OPHN1: variants seen among roughly 807,000 people sequenced by gnomAD.
OPHN1 encodes the protein oligophrenin-1.
Under a neutral mutation model 60.7 loss-of-function variants are expected in OPHN1, and 11 were observed. The observed-to-expected ratio is 0.18, with a 90% CI of 0.11 to 0.30. The LOEUF (loss-of-function observed/expected upper bound fraction) is 0.30. Among genes scored for constraint, OPHN1 ranks in the 10% least tolerant of loss-of-function variants. OPHN1 has a pLI of 1.00. For missense variants in OPHN1, 449 were observed against 611.0 expected (o/e 0.73, Z 2.80); for synonymous variants, 226 against 222.6 (o/e 1.02, Z -0.14).
rs1247662162 is a variant in OPHN1 at position 68,043,489 on chromosome X, C to G, written c.*3683G>C. The G allele has an allele frequency of 9.0e-6, 1 of 110,761 alleles. No homozygotes were observed. Among genetic ancestry groups the G allele is most frequent in the African/African-American group, 3.3e-5 (1 of 30,355 alleles). The allele number at this position is 110,761 out of a possible 1,213,427, so 9.1% of individuals were successfully genotyped here. On this transcript the variant is annotated 3_prime_UTR_variant, in exon 25 of 25. Transcript: ENST00000355520. ...GTCAAGGCCACTTATCTGCAGCTACCTTAGAAGTAGTATAATTGATCTATG... is the reference window on the plus strand; with the variant it reads ...GTCAAGGCCACTTATCTGCAGCTACGTTAGAAGTAGTATAATTGATCTATG...
chrX:68,304,823 G>A (rs1035116106), intron 2 of OPHN1, among the ~76,000 whole-genome samples: 1 of 111,146 alleles, frequency 9.0e-6, no homozygotes, highest in African/African-American at 3.3e-5. Flanking sequence ...GCAGAATGTG[G>A]TTGAAGTTTC....
At chrX:68,058,104 T>G (rs1472826406) in intron 21 of OPHN1, among the ~76,000 whole-genome samples, 3 of 111,822 alleles carry the variant, frequency 2.7e-5, no homozygotes, top group African/African-American at 9.8e-5. Context: ...CCCAGCTGAC[T>G]TTTATAGGCT....
At chrX:68,362,650 G>C (rs2078478953) in intron 2 of OPHN1, among the ~76,000 whole-genome samples, 1 of 110,960 alleles carries the variant, frequency 9.0e-6, no homozygotes, top group Non-Finnish European at 1.9e-5. Context: ...GGGATAACTA[G>C]GTGAGGCACG....
intron 15 of OPHN1, among the ~76,000 whole-genome samples, chrX:68,189,434 C>G (rs1486053129): frequency 9.1e-6 from 1 of 110,292 alleles, no homozygotes; most frequent in Non-Finnish European, 1.9e-5. Context: ...TATACATGTG[C>G]CATCTTGGTG....
At chrX:68,275,295 C>T (rs1349061956) in intron 4 of OPHN1, among the ~76,000 whole-genome samples, 2 of 111,768 alleles carry the variant, frequency 1.8e-5, no homozygotes, top group Non-Finnish European at 3.8e-5. Context: ...ATTACAGCAT[C>T]GCAGAAAACA....
At chrX:68,108,301 C>T (rs964349894) in intron 18 of OPHN1, among the ~76,000 whole-genome samples, 16 of 111,608 alleles carry the variant, frequency 1.4e-4, no homozygotes, top group African/African-American at 4.9e-4. Context: ...TCTAAGCACC[C>T]CTGATTCCTT....
At chrX:68,246,355 G>A (rs2077805871) in intron 5 of OPHN1, among the ~76,000 whole-genome samples, 1 of 111,925 alleles carries the variant, frequency 8.9e-6, no homozygotes, top group African/African-American at 3.2e-5. Context: ...TAAGTGTGTT[G>A]CTATATGGAG....
At chrX:68,368,769 T>C (rs1341908429) in intron 2 of OPHN1, among the ~76,000 whole-genome samples, 1 of 112,058 alleles carries the variant, frequency 8.9e-6, no homozygotes, top group Non-Finnish European at 1.9e-5. Context: ...TTTTAGCTCC[T>C]TGTATTTCAG....
intron 6 of OPHN1, among the ~76,000 whole-genome samples, chrX:68,221,944 A>C (rs1410322523): frequency 4.8e-5 from 5 of 104,693 alleles, no homozygotes; most frequent in East Asian, 3.0e-4. Context: ...TAATTAAACT[A>C]AAGAGCTTCT....
chrX:68,164,609 G>T (rs1054545981), intron 15 of OPHN1, among the ~76,000 whole-genome samples: 1 of 112,001 alleles, frequency 8.9e-6, no homozygotes, highest in Admixed American at 9.5e-5. Flanking sequence ...TAGAGCACAG[G>T]CAGAGTGGCT....
intron 2 of OPHN1, among the ~76,000 whole-genome samples, chrX:68,371,429 C>T (rs1022241130): frequency 9.1e-6 from 1 of 110,051 alleles, no homozygotes; most frequent in Non-Finnish European, 1.9e-5. Context: ...ATGCTGCCCA[C>T]GCTGGTCTTG....
At chrX:68,303,801 A>G (rs2078132482) in intron 2 of OPHN1, among the ~76,000 whole-genome samples, 1 of 111,304 alleles carries the variant, frequency 9.0e-6, no homozygotes, top group Non-Finnish European at 1.9e-5. Context: ...AGAAAGATAA[A>G]TACCACATGC....
intron 15 of OPHN1, among the ~76,000 whole-genome samples, chrX:68,138,798 C>T (rs982232558): frequency 2.7e-5 from 3 of 112,051 alleles, no homozygotes; most frequent in Non-Finnish European, 3.8e-5. Flanking sequence ...TTTGATAGGA[C>T]TTGCCCAAGG....
chrX:68,173,646 G>A (rs1365688202), intron 15 of OPHN1, among the ~76,000 whole-genome samples: 1 of 109,805 alleles, frequency 9.1e-6, no homozygotes, highest in Non-Finnish European at 1.9e-5. Flanking sequence ...TCCAGAGACA[G>A]ACTGCAAGAC....
At chrX:68,163,254 T>C (rs2077342714) in intron 15 of OPHN1, among the ~76,000 whole-genome samples, 2 of 110,580 alleles carry the variant, frequency 1.8e-5, no homozygotes, top group Non-Finnish European at 3.8e-5. Context: ...GGATCTTCTA[T>C]TGTACTAATT....
chrX:68,096,034 C>T (rs2077037162), intron 19 of OPHN1, among the ~76,000 whole-genome samples: 1 of 111,321 alleles, frequency 9.0e-6, no homozygotes, highest in Non-Finnish European at 1.9e-5. Flanking sequence ...TGATGGAGTT[C>T]AGGACCTGCT....
At chrX:68,156,304 T>TAA (rs375927931) in intron 15 of OPHN1, among the ~76,000 whole-genome samples, 3,809 of 65,666 alleles carry the variant, frequency 0.058, 246 homozygotes, top group African/African-American at 0.18. Flanking sequence ...AAGGAAGAGG[T>TAA]AAAAAAAAAA....
At chrX:68,400,730 TG>T (rs1408012220) in intron 2 of OPHN1, among the ~76,000 whole-genome samples, 1 of 108,615 alleles carries the variant, frequency 9.2e-6, no homozygotes, top group East Asian at 2.9e-4. Flanking sequence ...GTCCCCTGAG[TG>T]GCTGGGATTA....
intron 20 of OPHN1, among the ~76,000 whole-genome samples, chrX:68,070,298 T>C (rs2076928359): frequency 9.0e-6 from 1 of 111,318 alleles, no homozygotes; most frequent in Non-Finnish European, 1.9e-5. Flanking sequence ...AATGGTTTAG[T>C]CACTAAGAAA....
Sources: allele counts gnomAD v4.1 joint callset (sites outside exome capture counted in the v4.1 genomes callset), GRCh38; gene constraint gnomAD v4.1.1; transcripts MANE v1.5; gene names NCBI Gene and HGNC (gene_info 2026-07-23, HGNC 2026-07-21).